The following ERN2 variants were observed in gnomAD, a reference collection of about 807,000 sequenced individuals.
ERN2 encodes endoplasmic reticulum to nucleus signaling 2, also known as serine/threonine-protein kinase/endoribonuclease IRE2.
Under a neutral mutation model 107.9 loss-of-function variants are expected in ERN2, and 111 were observed. The observed-to-expected ratio is 1.03, with a 90% CI of 0.88 to 1.20. The LOEUF is 1.20. ERN2 is among the 50% of genes most tolerant of loss of function. The pLI, the probability that ERN2 is intolerant of heterozygous loss-of-function variation, is 0.00. For synonymous variants in ERN2, 524 were observed against 501.7 expected, an observed-to-expected ratio of 1.04 and a Z score of -0.59; for missense variants, 1,225 against 1,197.9, an observed-to-expected ratio of 1.02 and a Z score of -0.33.
In ERN2 at chr16:23,690,756, G is replaced by T; in HGVS notation, c.*75C>A. 7.5e-7 allele frequency: 1 copy of T among 1,341,312 alleles called. No homozygotes were observed. The allele number at this position is 1,341,312 out of a possible 1,614,324, so 83.1% of individuals were successfully genotyped here. A position where few individuals can be genotyped will look rare whatever the true frequency, so the allele number is the denominator to read the frequency against. ...AGGTGTGAGCCACTGCACCCAGCCT[G>T]ATTCTGAGGCCAGCCACAGGCTCAG... On this transcript the variant is annotated 3_prime_UTR_variant, in exon 22 of 22. Coordinates refer to ENST00000256797, the MANE Select transcript of ERN2 (RefSeq NM_033266.4).
In ERN2 at chr16:23,690,699, T is replaced by C. The variant is rs1057197883; in HGVS notation, c.*132A>G. 1.1e-5 allele frequency: 8 copies of C among 713,122 alleles called. No individual in the cohort carries two copies. The highest frequency in any genetic ancestry group is 1.9e-5 in the Non-Finnish European group (8 of 423,966). 44.2% of individuals were successfully genotyped at this position (713,122 alleles called of 1,614,324 possible). ...TCGAACTCCTGAGCTCAAGTGATCC[T>C]CTCACTCAGCCTCCCAAAATGCTGG... On this transcript the variant is annotated 3_prime_UTR_variant, in exon 22 of 22. Coordinates refer to ENST00000256797, the MANE Select transcript of ERN2 (RefSeq NM_033266.4).
intron 17 of ERN2, among the ~76,000 whole-genome samples, chr16:23,693,103 G>A (rs921831693): frequency 1.3e-5 from 2 of 151,984 alleles, no homozygotes; most frequent in African/African-American, 4.8e-5. Flanking sequence ...GACCAGCGTG[G>A]GCAACATGGT....
chr16:23,706,656 G>T, intron 6 of ERN2, 98 bp downstream of exon 6: 1 of 873,748 alleles, frequency 1.1e-6, no homozygotes, highest in South Asian at 1.5e-5. Context: ...CTAACAGACT[G>T]ACTGTCCTGA....
At chr16:23,706,015 G>C (rs1960292119) in intron 7 of ERN2, among the ~76,000 whole-genome samples, 1 of 152,136 alleles carries the variant, frequency 6.6e-6, no homozygotes, top group African/African-American at 2.4e-5. Context: ...GGTCAGTTAG[G>C]ACACACAGAG....
intron 4 of ERN2, 89 bp from the exon 5 acceptor site, chr16:23,707,168 T>C: frequency 1.1e-6 from 1 of 882,346 alleles, no homozygotes; most frequent in Non-Finnish European, 1.9e-6. Context: ...TAGCAACCAA[T>C]TAACAGGTAT....
At chr16:23,694,044 C>A (rs1028723702) in intron 17 of ERN2, among the ~76,000 whole-genome samples, 1 of 152,144 alleles carries the variant, frequency 6.6e-6, no homozygotes, top group African/African-American at 2.4e-5. Context: ...GTTGTCCAGG[C>A]TAGAGTGCAG....
Position 23,695,327 on chromosome 16 carries a change from A to G in ERN2, c.1673T>C (p.Val558Ala). Residue 558 changes from valine (V) to alanine (A), a missense_variant, in exon 15 of 22, where the codon GTT becomes GCT. Transcript: ENST00000256797. Reference sequence around the variant, plus strand: ...CTGCAGCAGTTGAACTTCCCGCCGAACCAGGCCAAAGCACTCGCGGAGGAG... The same window carrying G: ...CTGCAGCAGTTGAACTTCCCGCCGAGCCAGGCCAAAGCACTCGCGGAGGAG... Reference protein sequence around the residue: ...KRLLRECFGLVRREVQLLQES... With the variant: ...KRLLRECFGLARREVQLLQES... 1 of 1,613,158 alleles carries G rather than the reference A, an allele frequency of 6.2e-7. No individual in the cohort carries two copies. Among genetic ancestry groups the G allele is most frequent in the Non-Finnish European group, 8.5e-7 (1 of 1,179,648 alleles).
Position 23,702,177 on chromosome 16 carries a change from G to C in ERN2, c.1178C>G (p.Thr393Ser). The change falls in exon 11 of 22, where the codon ACC (threonine) becomes AGC (serine). Residue 393 changes from threonine to serine, a missense_variant. Physicochemically the swap from Thr to Ser is moderately conservative, Grantham distance 58 (BLOSUM62 1). Coordinates refer to ENST00000256797, the MANE Select transcript of ERN2 (RefSeq NM_033266.4). ...CTCCAAGAAGAAGGCTGGGGCCTGG[G>C]TATTCTCTGGAGGTCTTGTCTCTGC... ...GTAETRPPENTQAPAFFLELL... is the reference protein window; with the variant it reads ...GTAETRPPENSQAPAFFLELL... The C allele has an allele frequency of 6.2e-7, 1 of 1,613,984 alleles. No homozygotes were observed. Among genetic ancestry groups the C allele is most frequent in the Non-Finnish European group, 8.5e-7 (1 of 1,179,996 alleles).
chr16:23,695,934 C>T lies in ERN2; in HGVS notation c.1570G>A (p.Asp524Asn), dbSNP rs1959807997. 1.2e-6 allele frequency: 2 copies of T among 1,614,086 alleles called. No individual in the cohort carries two copies. Among genetic ancestry groups the T allele is most frequent in the African/African-American group, 1.3e-5 (1 of 74,942 alleles). ...CCGCCTGCCCCGCGGCCCAGCACGT[C>T]CTTGGGATTGAAGGAAATCTTCCCC... ...VVGKISFNPK[D>N]VLGRGAGGTF... Residue 524 changes from aspartate to asparagine, a missense_variant, in exon 14 of 22, where the codon GAC (aspartate) becomes AAC (asparagine). Asp to Asn is a conservative substitution (Grantham distance 23). Coordinates refer to ENST00000256797, the MANE Select transcript of ERN2 (RefSeq NM_033266.4).
In ERN2 at chr16:23,692,403, T is replaced by C. The variant is rs1366097038; in HGVS notation, c.2101-72A>G. 3 of 1,547,012 alleles carry C rather than the reference T, an allele frequency of 1.9e-6. No homozygotes were observed. In the African/African-American group the frequency reaches 4.1e-5, roughly 21 times the overall value. On this transcript the variant is annotated intron_variant, in intron 17 of 21. Coordinates refer to ENST00000256797, the MANE Select transcript of ERN2 (RefSeq NM_033266.4). ...AAGTCAGCCTGGCTAAATTCTCCCA[T>C]GGGCTGATAGAGCTGCCAGGGGTTT...
In ERN2 at chr16:23,703,389, G is replaced by A. The variant is rs771488751; in HGVS notation, c.855-687C>T. Among the ~76,000 whole-genome samples, 137 of 152,088 alleles carry A rather than the reference G, an allele frequency of 9.0e-4. 1 individual carries two copies. Among genetic ancestry groups the A allele is most frequent in the Non-Finnish European group, 3.4e-4 (23 of 68,002 alleles). On this transcript the variant is annotated intron_variant, in intron 8 of 21. Transcript: ENST00000256797. Reference sequence around the variant, plus strand: ...GATCTTTGACTCCTTGCTCACAATCGTCAAACTCCCTAATCACCAAATTTT... The same window carrying A: ...GATCTTTGACTCCTTGCTCACAATCATCAAACTCCCTAATCACCAAATTTT...
At position 23,691,208 on chromosome 16, in the gene ERN2, G is replaced by C. The variant is rs780538650; in HGVS notation, c.2501-12C>G. 3 of 1,613,906 alleles carry C rather than the reference G, an allele frequency of 1.9e-6. No homozygotes were observed. On this transcript the variant is annotated splice_polypyrimidine_tract_variant and intron_variant, in intron 20 of 21. Transcript: ENST00000256797. ...GAACTTTCTCAGATCTGTGGACAGG[G>C]AATTCAGTGGCAAAACCGTCCCTGC...
chr16:23,701,779 A>G (rs1353729584), intron 11 of ERN2, among the ~76,000 whole-genome samples: 3 of 152,052 alleles, frequency 2.0e-5, no homozygotes, highest in South Asian at 4.2e-4. Context: ...ACAGATGCAC[A>G]CAACCATTCC....
chr16:23,695,723 A>G (rs1959788453), intron 14 of ERN2, among the ~76,000 whole-genome samples, 171 bp downstream of exon 14: 1 of 90,836 alleles, frequency 1.1e-5, no homozygotes, highest in Admixed American at 1.1e-4. Context: ...AGCAAGACTC[A>G]AAAAAAAAAA....
Position 23,700,723 on chromosome 16 carries a change from A to G in ERN2, c.1360-19T>C, listed in dbSNP as rs747242623. ...GCTGTTGCTGTAACATGAGAGCCTA[A>G]GAGAGCTTTGTCCTGGCCACGCCCT... On this transcript the variant is annotated intron_variant, in intron 12 of 21. Transcript: ENST00000256797. 1 of 1,605,806 alleles carries G rather than the reference A, an allele frequency of 6.2e-7. No homozygotes were observed. The highest frequency in any genetic ancestry group is 1.1e-5 in the South Asian group (1 of 89,652).
intron 2 of ERN2, 52 bp downstream of exon 2, chr16:23,710,861 C>G (rs375726755): frequency 3.1e-6 from 4 of 1,276,576 alleles, no homozygotes; most frequent in Non-Finnish European, 3.4e-6. Flanking sequence ...AGTGACTATC[C>G]CTTCACCAAT....
At chr16:23,709,526 CTGA>C (rs2077591586) in intron 4 of ERN2, 1 of 222,610 alleles carries the variant, frequency 4.5e-6, no homozygotes, top group African/African-American at 2.4e-5. Flanking sequence ...CCTGCTTTGG[CTGA>C]TGAGCCATTA....
At chr16:23,707,147 GC>G in intron 4 of ERN2, 68 bp from the exon 5 acceptor site, 1 of 1,110,654 alleles carries the variant, frequency 9.0e-7, no homozygotes, top group Non-Finnish European at 1.4e-6. Context: ...TGCCAGGTGA[GC>G]CCATTTCCAT....
rs571368572 is a variant in ERN2, at chr16:23,706,777, G to T, written c.464C>A (p.Pro155His). Reference sequence around the variant, plus strand: ...ACGTGTTCGGCCAATGTAGAGGCGGGGGGTGGAGGGACCCTCTGTGGTCAG... The same window carrying T: ...ACGTGTTCGGCCAATGTAGAGGCGGTGGGTGGAGGGACCCTCTGTGGTCAG... The part of the protein sequence containing the change: ...MTLTTEGPST[P>H]RLYIGRTQYT... The change falls in exon 6 of 22, where the codon CCC becomes CAC. Residue 155 changes from proline (P) to histidine (H), a missense_variant. Physicochemically the swap from Pro to His is moderately conservative, Grantham distance 77. Transcript: ENST00000256797. The T allele has an allele frequency of 5.6e-6, 9 of 1,610,244 alleles. No individual in the cohort carries two copies. The highest frequency in any genetic ancestry group is 1.7e-4 in the Middle Eastern group (1 of 6,028).
Sources: allele counts gnomAD v4.1 joint callset (sites outside exome capture counted in the v4.1 genomes callset), GRCh38; gene constraint gnomAD v4.1.1; transcripts MANE v1.5; gene names NCBI Gene and HGNC (gene_info 2026-07-23, HGNC 2026-07-21).